Variants in PDE5A observed in about 807,000 individuals in gnomAD.
The protein encoded by PDE5A is cGMP-specific 3',5'-cyclic phosphodiesterase.
In PDE5A, 67 loss-of-function variants were observed where a neutral mutation model predicts 110.2. The ratio of observed to expected loss-of-function variants is 0.61; its 90% CI spans 0.50 to 0.75. PDE5A has a LOEUF of 0.75. PDE5A is among the 30% of genes least tolerant of loss of function. The probability of loss-of-function intolerance (pLI) is 0.00; values close to 1 mark genes in which losing one functional copy is unlikely to be tolerated. For synonymous variants in PDE5A, 328 were observed against 351.2 expected, an observed-to-expected ratio of 0.93 and a Z score of 0.74; for missense variants, 862 against 1,045.1, an observed-to-expected ratio of 0.82 and a Z score of 2.42.
chr4:119,519,440 C>A (rs978886957), intron 13 of PDE5A: 5 of 283,712 alleles, frequency 1.8e-5, no homozygotes, highest in Admixed American at 1.0e-4. Flanking sequence ...GTGAAATAAT[C>A]ATAATAAACT....
intron 1 of PDE5A, among the ~76,000 whole-genome samples, chr4:119,616,512 TA>T (rs1560644413): frequency 6.6e-6 from 1 of 152,182 alleles, no homozygotes; most frequent in African/African-American, 2.4e-5. Flanking sequence ...TGATTTAATA[TA>T]AAAATCAGTG....
At chr4:119,560,616 T>C (rs1363319532) in intron 6 of PDE5A, among the ~76,000 whole-genome samples, 1 of 152,228 alleles carries the variant, frequency 6.6e-6, no homozygotes, top group Non-Finnish European at 1.5e-5. Context: ...TGAGGACTAT[T>C]TGTTTTTTTC....
intron 3 of PDE5A, among the ~76,000 whole-genome samples, chr4:119,595,552 G>A (rs936548537): frequency 6.6e-6 from 1 of 152,158 alleles, no homozygotes; most frequent in Admixed American, 6.6e-5. Context: ...GAACAAAAAG[G>A]CAGAGGAAGA....
chr4:119,543,924 A>G (rs2110488396), intron 9 of PDE5A: 1 of 152,198 alleles, frequency 6.6e-6, no homozygotes, highest in Non-Finnish European at 1.5e-5. Flanking sequence ...CTCTCTTTCT[A>G]GACTGTCAGT....
In PDE5A at chr4:119,511,143, A is replaced by G; in HGVS notation, c.2001-9T>C. On this transcript the variant is annotated splice_polypyrimidine_tract_variant and intron_variant, in intron 14 of 20. Coordinates refer to ENST00000354960, the MANE Select transcript of PDE5A (RefSeq NM_001083.4). The stretch of plus-strand genomic sequence containing the variant: ...CAAGTGGATGTTCACTTCTGAAAGT[A>G]TTTTGTTGAAGAAAGGAAAAAAGAT... 1 of 1,582,382 alleles carries G rather than the reference A, an allele frequency of 6.3e-7. No homozygotes were observed. The highest frequency in any genetic ancestry group is 8.7e-7 in the Non-Finnish European group (1 of 1,152,888).
intron 17 of PDE5A, among the ~76,000 whole-genome samples, chr4:119,505,646 A>G (rs886534918): frequency 6.6e-6 from 1 of 151,966 alleles, no homozygotes; most frequent in African/African-American, 2.4e-5. Flanking sequence ...GAACAAAGGA[A>G]CAGTTCATTC....
chr4:119,511,905 G>A (rs1313525204), intron 14 of PDE5A, among the ~76,000 whole-genome samples: 1 of 152,020 alleles, frequency 6.6e-6, no homozygotes, highest in Admixed American at 6.6e-5. Context: ...TCCACCTCAT[G>A]TTTCTCATGA....
chr4:119,552,245 A>T (rs1453724852), intron 9 of PDE5A, among the ~76,000 whole-genome samples: 1 of 152,134 alleles, frequency 6.6e-6, no homozygotes, highest in East Asian at 1.9e-4. Context: ...AGGAAATAAG[A>T]CTCTAAAACA....
chr4:119,606,607 C>T, intron 2 of PDE5A, 102 bp downstream of exon 2: 1 of 732,642 alleles, frequency 1.4e-6, no homozygotes, highest in South Asian at 1.8e-5. Flanking sequence ...TTTCAAATAT[C>T]CCCACCATTC....
intron 10 of PDE5A, among the ~76,000 whole-genome samples, chr4:119,542,183 G>A (rs1037273582): frequency 1.3e-5 from 2 of 152,108 alleles, no homozygotes; most frequent in African/African-American, 4.8e-5. Context: ...GATTATTAAA[G>A]TCAATATTGC....
At chr4:119,513,874 T>G (rs533207618) in intron 14 of PDE5A, among the ~76,000 whole-genome samples, 3 of 152,322 alleles carry the variant, frequency 2.0e-5, no homozygotes, top group African/African-American at 4.8e-5. Flanking sequence ...TGGCTTGAGA[T>G]AGATGAATGC....
At chr4:119,567,830 A>G (rs1246433718) in intron 3 of PDE5A, among the ~76,000 whole-genome samples, 1 of 152,122 alleles carries the variant, frequency 6.6e-6, no homozygotes, top group Non-Finnish European at 1.5e-5. Flanking sequence ...ATTTTGAGTT[A>G]TTACCTTAGT....
intron 11 of PDE5A, among the ~76,000 whole-genome samples, chr4:119,529,131 G>A (rs571999783): frequency 7.3e-5 from 11 of 151,620 alleles, no homozygotes; most frequent in African/African-American, 2.4e-4. Context: ...TTTTTTCAGG[G>A]ATGGGGGAAG....
chr4:119,560,560 G>C (rs2110503368), intron 6 of PDE5A, among the ~76,000 whole-genome samples, 197 bp from the exon 7 acceptor site: 1 of 152,200 alleles, frequency 6.6e-6, no homozygotes, highest in East Asian at 1.9e-4. Flanking sequence ...TAAAATAAAA[G>C]TTTCGTTCAT....
At chr4:119,529,955 T>C (rs1176436757) in intron 11 of PDE5A, among the ~76,000 whole-genome samples, 1 of 152,110 alleles carries the variant, frequency 6.6e-6, no homozygotes, top group African/African-American at 2.4e-5. Flanking sequence ...ATGCAAATTC[T>C]TGGGTCCCAA....
At position 119,501,229 on chromosome 4, in the gene PDE5A, T is replaced by C; in HGVS notation, c.2431A>G (p.Asn811Asp). 1 of 1,610,352 alleles carries C rather than the reference T, an allele frequency of 6.2e-7. No homozygotes were observed. The highest frequency in any genetic ancestry group is 8.5e-7 in the Non-Finnish European group (1 of 1,176,774). The change falls in exon 20 of 21, where the codon AAC becomes GAC. Residue 811 changes from asparagine (N) to aspartate (D), a missense_variant. Coordinates refer to ENST00000354960, the MANE Select transcript of PDE5A (RefSeq NM_001083.4). ...PTDLMNREKKNKIPSMQVGFI... is the reference protein window; with the variant it reads ...PTDLMNREKKDKIPSMQVGFI... ...CCAACTTGCATACTTGGGATTTTGT[T>C]TTTCTTCTCCCTGTTCATTAGATCC...
chr4:119,563,999 A>T (rs1727833136), intron 5 of PDE5A, among the ~76,000 whole-genome samples: 1 of 151,818 alleles, frequency 6.6e-6, no homozygotes, highest in South Asian at 2.1e-4. Flanking sequence ...CTCCAAAGAG[A>T]TGAACCAACA....
At chr4:119,615,983 T>C (rs1050232342) in intron 1 of PDE5A, among the ~76,000 whole-genome samples, 6 of 152,202 alleles carry the variant, frequency 3.9e-5, no homozygotes, top group African/African-American at 7.2e-5. Flanking sequence ...CACATCCATA[T>C]CTTCCTCTCT....
chr4:119,614,229 TAA>T (rs549150387), intron 1 of PDE5A, among the ~76,000 whole-genome samples: 8 of 152,072 alleles, frequency 5.3e-5, no homozygotes, highest in Non-Finnish European at 8.8e-5. Flanking sequence ...TCACATTTTA[TAA>T]GTCTAAAGCA....
Sources: allele counts gnomAD v4.1 joint callset (sites outside exome capture counted in the v4.1 genomes callset), GRCh38; gene constraint gnomAD v4.1.1; transcripts MANE v1.5; gene names NCBI Gene and HGNC (gene_info 2026-07-23, HGNC 2026-07-21).